The following ARHGAP26 variants were observed in gnomAD, a reference collection of about 807,000 sequenced individuals.
ARHGAP26 encodes the protein rho GTPase-activating protein 26.
A neutral mutation model predicts 104.8 loss-of-function variants in ARHGAP26; 38 were observed. The observed-to-expected ratio is 0.36, with a 90% CI of 0.28 to 0.48. The LOEUF is 0.48. Among genes scored for constraint, ARHGAP26 ranks in the 20% least tolerant of loss-of-function variants. The pLI is 0.99. For missense variants in ARHGAP26, 704 were observed against 947.9 expected (o/e 0.74, Z 3.38); for synonymous variants, 341 against 340.0 (o/e 1.00, Z -0.03).
At chr5:142,902,964 T>C (rs1461164512) in intron 7 of ARHGAP26, among the ~76,000 whole-genome samples, 1 of 152,184 alleles carries the variant, frequency 6.6e-6, no homozygotes, top group Non-Finnish European at 1.5e-5. Flanking sequence ...AGCAGAGGTC[T>C]CAGTGCAGGG....
chr5:143,079,146 T>G (rs1231694842), intron 17 of ARHGAP26, among the ~76,000 whole-genome samples: 1 of 152,242 alleles, frequency 6.6e-6, no homozygotes, highest in Non-Finnish European at 1.5e-5. Context: ...TGGGAGTGCT[T>G]ACAAGCTTTG....
intron 11 of ARHGAP26, among the ~76,000 whole-genome samples, chr5:142,944,764 T>G (rs1040897492): frequency 2.0e-5 from 3 of 152,244 alleles, no homozygotes; most frequent in Non-Finnish European, 4.4e-5. Context: ...AGTAGTAGTA[T>G]TCCTTGCTTG....
chr5:143,143,881 C>T (rs190994301), intron 19 of ARHGAP26, among the ~76,000 whole-genome samples: 278 of 152,326 alleles, frequency 1.8e-3, no homozygotes, highest in Non-Finnish European at 3.0e-3. Context: ...TTTGTGAAAG[C>T]ACTGCCAATG....
At chr5:142,777,907 T>C (rs1268808058) in intron 1 of ARHGAP26, among the ~76,000 whole-genome samples, 1 of 152,238 alleles carries the variant, frequency 6.6e-6, no homozygotes, top group Non-Finnish European at 1.5e-5. Flanking sequence ...CATGGAAGGC[T>C]GTGCCATGAT....
At chr5:142,907,309 G>A (rs3776409) in intron 8 of ARHGAP26, 18,856 of 154,006 alleles carry the variant, frequency 0.12, 2,291 homozygotes, top group African/African-American at 0.32. Flanking sequence ...GGTCACAAGC[G>A]CTTGGAGGAG....
chr5:143,195,937 T>C (rs918267776), intron 20 of ARHGAP26, among the ~76,000 whole-genome samples: 1 of 152,112 alleles, frequency 6.6e-6, no homozygotes, highest in African/African-American at 2.4e-5. Context: ...TTCTGTACTT[T>C]CTGCTCAATT....
intron 17 of ARHGAP26, among the ~76,000 whole-genome samples, chr5:143,112,347 A>G (rs1794880171): frequency 6.6e-6 from 1 of 152,046 alleles, no homozygotes. Context: ...GCCCAAAGAA[A>G]ATTTTAGCTC....
At chr5:142,875,973 C>G (rs935014063) in intron 3 of ARHGAP26, among the ~76,000 whole-genome samples, 1 of 152,160 alleles carries the variant, frequency 6.6e-6, no homozygotes, top group African/African-American at 2.4e-5. Flanking sequence ...GAACTCCAAA[C>G]CTTAAGTGAT....
intron 1 of ARHGAP26, among the ~76,000 whole-genome samples, chr5:142,798,983 C>T (rs1402150500): frequency 1.3e-5 from 2 of 152,170 alleles, no homozygotes; most frequent in African/African-American, 4.8e-5. Context: ...TGGCAGCTTT[C>T]CTGGGCATGG....
chr5:142,944,054 A>G (rs1766758354), intron 11 of ARHGAP26, among the ~76,000 whole-genome samples: 1 of 152,142 alleles, frequency 6.6e-6, no homozygotes, highest in African/African-American at 2.4e-5. Context: ...TTTCTTTGTC[A>G]TTGGCATTAG....
chr5:142,956,732 A>G (rs1769303326), intron 11 of ARHGAP26, among the ~76,000 whole-genome samples: 1 of 152,220 alleles, frequency 6.6e-6, no homozygotes, highest in Non-Finnish European at 1.5e-5. Context: ...GCAATTTACA[A>G]AAGAAAGAGG....
At chr5:142,887,620 T>C (rs1004460588) in intron 5 of ARHGAP26, among the ~76,000 whole-genome samples, 1 of 152,230 alleles carries the variant, frequency 6.6e-6, no homozygotes, top group Non-Finnish European at 1.5e-5. Context: ...AGTCACACTT[T>C]CTAAGTACTT....
At chr5:143,054,590 G>A (rs1785522879) in intron 15 of ARHGAP26, 64 bp downstream of exon 15, 5 of 1,266,990 alleles carry the variant, frequency 3.9e-6, no homozygotes, top group Admixed American at 2.0e-5. Context: ...GAAGAAAGCA[G>A]TTTTATTTTC....
At chr5:143,086,462 G>T (rs1213713651) in intron 17 of ARHGAP26, among the ~76,000 whole-genome samples, 2 of 152,102 alleles carry the variant, frequency 1.3e-5, no homozygotes, top group Non-Finnish European at 2.9e-5. Flanking sequence ...ATAAACTTGG[G>T]ACTCCATCTT....
chr5:143,150,990 A>T (rs1032021543), intron 20 of ARHGAP26, among the ~76,000 whole-genome samples: 5 of 152,240 alleles, frequency 3.3e-5, no homozygotes, highest in Non-Finnish European at 7.3e-5. Flanking sequence ...CAAGCCACAC[A>T]CTAGGAGAAA....
chr5:143,095,428 C>T (rs1476988837), intron 17 of ARHGAP26, among the ~76,000 whole-genome samples: 2 of 152,088 alleles, frequency 1.3e-5, no homozygotes, highest in Non-Finnish European at 2.9e-5. Flanking sequence ...TTATTAAGGA[C>T]TTCAACAGCC....
At chr5:142,923,372 C>T (rs1271690562) in intron 10 of ARHGAP26, among the ~76,000 whole-genome samples, 1 of 151,984 alleles carries the variant, frequency 6.6e-6, no homozygotes, top group Non-Finnish European at 1.5e-5. Context: ...CCAGTACATT[C>T]CACTTATGTA....
intron 20 of ARHGAP26, among the ~76,000 whole-genome samples, chr5:143,147,927 CAGCATTG>C (rs1202225525): frequency 6.6e-6 from 1 of 152,176 alleles, no homozygotes; most frequent in Non-Finnish European, 1.5e-5. Flanking sequence ...CTTTATTTTT[CAGCATTG>C]AGCACCCATA....
chr5:142,998,656 G>A (rs1776759090), intron 11 of ARHGAP26, among the ~76,000 whole-genome samples: 1 of 151,992 alleles, frequency 6.6e-6, no homozygotes, highest in Non-Finnish European at 1.5e-5. Context: ...TGTTCAGTGA[G>A]CATTGTTCAG....
Sources: gnomAD v4.1 joint callset for allele counts (sites outside exome capture counted in the v4.1 genomes callset) on GRCh38, gnomAD v4.1.1 for gene constraint, MANE v1.5 for transcripts, NCBI Gene and HGNC (gene_info 2026-07-23, HGNC 2026-07-21) for gene names.